Variants in NMNAT2 observed in about 807,000 individuals in gnomAD.
The protein encoded by NMNAT2 is nicotinamide/nicotinic acid mononucleotide adenylyltransferase 2.
In NMNAT2, 11 loss-of-function variants were observed where a neutral mutation model predicts 41.6. The ratio of observed to expected loss-of-function variants is 0.26; its 90% CI spans 0.17 to 0.44. The LOEUF (loss-of-function observed/expected upper bound fraction) is 0.44. NMNAT2 is among the 20% of genes least tolerant of loss of function. NMNAT2 has a pLI of 1.00. For synonymous variants in NMNAT2, 148 were observed against 151.2 expected (o/e 0.98, Z 0.16); for missense variants, 288 against 407.7 (o/e 0.71, Z 2.53).
At chr1:183,286,343 C>T (rs866062066) in intron 5 of NMNAT2, among the ~76,000 whole-genome samples, 1 of 152,310 alleles carries the variant, frequency 6.6e-6, no homozygotes. Flanking sequence ...CCACCCACCT[C>T]AGCCTCCCAA....
At chr1:183,271,167 T>C (rs1440097998) in intron 8 of NMNAT2, among the ~76,000 whole-genome samples, 1 of 152,222 alleles carries the variant, frequency 6.6e-6, no homozygotes. Flanking sequence ...GGTTAAATAT[T>C]GACTCTTGCT....
chr1:183,294,095 A>G (rs1661617590), intron 1 of NMNAT2, among the ~76,000 whole-genome samples: 1 of 152,196 alleles, frequency 6.6e-6, no homozygotes, highest in Non-Finnish European at 1.5e-5. Flanking sequence ...ATTAGCAGCC[A>G]TTAGAGCTAC....
At chr1:183,289,933 C>T (rs12091358) in intron 4 of NMNAT2, among the ~76,000 whole-genome samples, 195 bp downstream of exon 4, 47 of 152,356 alleles carry the variant, frequency 3.1e-4, no homozygotes, top group African/African-American at 9.6e-4. Flanking sequence ...TGGTGCTACT[C>T]GGGGTTCCTC....
At chr1:183,274,922 G>GAGCC (rs1320572697) in intron 8 of NMNAT2, among the ~76,000 whole-genome samples, 3 of 152,074 alleles carry the variant, frequency 2.0e-5, no homozygotes, top group Non-Finnish European at 4.4e-5. Context: ...GAGGTCTGTG[G>GAGCC]AGCCCACTCC....
intron 1 of NMNAT2, among the ~76,000 whole-genome samples, chr1:183,402,552 A>T (rs1343826199): frequency 1.3e-5 from 2 of 152,220 alleles, no homozygotes; most frequent in Non-Finnish European, 2.9e-5. Context: ...GCTGCTCTTG[A>T]ATAAACTCTC....
intron 1 of NMNAT2, among the ~76,000 whole-genome samples, chr1:183,321,742 G>GA (rs553304631): frequency 3.5e-4 from 51 of 144,814 alleles, no homozygotes; most frequent in Middle Eastern, 3.5e-3. Flanking sequence ...TCAAAAAAAA[G>GA]AAAAAAAAAA....
chr1:183,313,630 C>T (rs1011993720), intron 1 of NMNAT2, among the ~76,000 whole-genome samples: 6 of 152,096 alleles, frequency 3.9e-5, no homozygotes, highest in Middle Eastern at 3.4e-3. Context: ...GGATTACAGG[C>T]GCATGCCACC....
At chr1:183,294,957 A>G (rs143334904) in intron 1 of NMNAT2, among the ~76,000 whole-genome samples, 69 of 152,268 alleles carry the variant, frequency 4.5e-4, no homozygotes, top group African/African-American at 1.6e-3. Flanking sequence ...ACTTTGCTGG[A>G]TTTCTTAACA....
intron 1 of NMNAT2, among the ~76,000 whole-genome samples, chr1:183,383,521 A>G (rs767677083): frequency 1.2e-4 from 19 of 152,210 alleles, no homozygotes; most frequent in South Asian, 2.1e-4. Context: ...CCTTTTAAAC[A>G]TAAATTCCAG....
At chr1:183,280,737 C>CT (rs199717425) in intron 7 of NMNAT2, among the ~76,000 whole-genome samples, 4,791 of 119,974 alleles carry the variant, frequency 0.04, 121 homozygotes, top group South Asian at 0.12. Flanking sequence ...GACTTTTTTT[C>CT]TTTTTTTTTG....
intron 1 of NMNAT2, among the ~76,000 whole-genome samples, chr1:183,416,506 T>C (rs1303216341): frequency 2.0e-5 from 3 of 152,166 alleles, no homozygotes; most frequent in Non-Finnish European, 2.9e-5. Context: ...TGGAGTGTTC[T>C]TAGGGCACTG....
chr1:183,367,059 A>G (rs1300646977), intron 1 of NMNAT2, among the ~76,000 whole-genome samples: 1 of 152,202 alleles, frequency 6.6e-6, no homozygotes, highest in African/African-American at 2.4e-5. Context: ...TCCGTCCCTG[A>G]CTTAGATATG....
intron 1 of NMNAT2, among the ~76,000 whole-genome samples, chr1:183,411,106 C>T (rs1425545364): frequency 2.0e-5 from 3 of 152,160 alleles, no homozygotes; most frequent in African/African-American, 7.2e-5. Context: ...GCCCATCTAC[C>T]ATGTCCAGAG....
At chr1:183,339,141 A>C (rs938581896) in intron 1 of NMNAT2, among the ~76,000 whole-genome samples, 1 of 152,056 alleles carries the variant, frequency 6.6e-6, no homozygotes, top group African/African-American at 2.4e-5. Flanking sequence ...TCTGTCGCCC[A>C]GGCTGGAGTG....
At chr1:183,361,746 A>G (rs1663312286) in intron 1 of NMNAT2, among the ~76,000 whole-genome samples, 1 of 152,144 alleles carries the variant, frequency 6.6e-6, no homozygotes, top group African/African-American at 2.4e-5. Context: ...TTGGCTGTTT[A>G]TCAAGAACCT....
In NMNAT2 at chr1:183,252,165, A is replaced by G. The variant is rs1354697907; in HGVS notation, c.*476T>C. ...AAAGAAAAATAAATAAACAAAAGAA[A>G]GAAAAGAAAAATAGCCCTTTGTAGT... On this transcript the variant is annotated 3_prime_UTR_variant, in exon 11 of 11. Coordinates refer to ENST00000287713, the MANE Select transcript of NMNAT2 (RefSeq NM_015039.4). 4 of 156,670 alleles carry G rather than the reference A, an allele frequency of 2.6e-5. No homozygotes were observed. The South Asian group carries it at 5.8e-4, about 23-fold the overall frequency. The allele number at this position is 156,670 out of a possible 1,614,324, so 9.7% of individuals were successfully genotyped here. A position where few individuals can be genotyped will look rare whatever the true frequency, so the allele number is the denominator to read the frequency against.
At chr1:183,286,048 C>T (rs186320975) in intron 5 of NMNAT2, among the ~76,000 whole-genome samples, 17 of 152,128 alleles carry the variant, frequency 1.1e-4, no homozygotes, top group Admixed American at 3.9e-4. Context: ...TATTCAATTC[C>T]CAGTTAACAC....
intron 1 of NMNAT2, among the ~76,000 whole-genome samples, chr1:183,325,033 C>A (rs1353365492): frequency 6.6e-6 from 1 of 152,312 alleles, no homozygotes; most frequent in African/African-American, 2.4e-5. Context: ...ACAAAGCAGA[C>A]CCCGAGGAAC....
intron 8 of NMNAT2, among the ~76,000 whole-genome samples, chr1:183,272,660 A>G (rs542956345): frequency 6.6e-6 from 1 of 152,324 alleles, no homozygotes; most frequent in Admixed American, 6.5e-5. Flanking sequence ...AAGAAAGAGC[A>G]AAACTGACTC....
Sources: allele counts gnomAD v4.1 joint callset (sites outside exome capture counted in the v4.1 genomes callset), GRCh38; gene constraint gnomAD v4.1.1; transcripts MANE v1.5; gene names NCBI Gene and HGNC (gene_info 2026-07-23, HGNC 2026-07-21).